RAPGEF5: variants seen among roughly 807,000 people sequenced by gnomAD.
RAPGEF5 encodes Rap guanine nucleotide exchange factor 5.
Under a neutral mutation model 125.2 loss-of-function variants are expected in RAPGEF5, and 65 were observed. That is an observed-to-expected ratio of 0.52 (90% CI 0.43 to 0.64). The LOEUF (loss-of-function observed/expected upper bound fraction) is 0.64, where lower values mean the gene tolerates loss of function less well. Among genes scored for constraint, RAPGEF5 ranks in the 30% least tolerant of loss-of-function variants. The pLI is 0.00. For missense variants in RAPGEF5, 958 were observed against 1,048.1 expected (o/e 0.91, Z 1.19); for synonymous variants, 391 against 385.9 (o/e 1.01, Z -0.16).
At chr7:22,310,469 T>C (rs1174996178) in intron 3 of RAPGEF5, among the ~76,000 whole-genome samples, 1 of 152,238 alleles carries the variant, frequency 6.6e-6, no homozygotes, top group Non-Finnish European at 1.5e-5. Flanking sequence ...TCAAAATATA[T>C]TTGTTTGAAA....
At chr7:22,353,228 G>C (rs1784361572) in intron 1 of RAPGEF5, among the ~76,000 whole-genome samples, 1 of 151,928 alleles carries the variant, frequency 6.6e-6, no homozygotes, top group African/African-American at 2.4e-5. Context: ...TCACTGGCAT[G>C]AAAAAAGGGA....
intron 8 of RAPGEF5, among the ~76,000 whole-genome samples, chr7:22,228,765 G>A (rs1785983841): frequency 6.6e-6 from 1 of 151,160 alleles, no homozygotes. Flanking sequence ...CACCTGCCTT[G>A]GCCTCCCAAA....
chr7:22,212,481 A>G (rs945307587), intron 9 of RAPGEF5, among the ~76,000 whole-genome samples: 12 of 152,240 alleles, frequency 7.9e-5, no homozygotes, highest in Admixed American at 7.8e-4. Flanking sequence ...CTCGCAGAAC[A>G]TCAGTTCATG....
At chr7:22,160,963 G>A (rs181542460) in intron 13 of RAPGEF5, among the ~76,000 whole-genome samples, 17 of 152,050 alleles carry the variant, frequency 1.1e-4, no homozygotes, top group Non-Finnish European at 2.1e-4. Context: ...TTGGGAGGCT[G>A]AGGCAGGCAG....
chr7:22,327,499 C>T (rs898982648), intron 1 of RAPGEF5, among the ~76,000 whole-genome samples: 6 of 152,182 alleles, frequency 3.9e-5, no homozygotes, highest in African/African-American at 1.4e-4. Context: ...TTAATACCTT[C>T]CTTAACGCTC....
At chr7:22,137,040 G>C in intron 21 of RAPGEF5, 57 bp from the exon 22 acceptor site, 1 of 1,298,450 alleles carries the variant, frequency 7.7e-7, no homozygotes, top group South Asian at 1.3e-5. Flanking sequence ...TATTTTCAGA[G>C]GCATCGAAGG....
chr7:22,273,249 G>C (rs1351101594), intron 6 of RAPGEF5, among the ~76,000 whole-genome samples: 10 of 118,622 alleles, frequency 8.4e-5, no homozygotes, highest in African/African-American at 3.0e-4. Context: ...GACAGAGTCT[G>C]GCTCTGTCGC....
intron 11 of RAPGEF5, among the ~76,000 whole-genome samples, chr7:22,189,070 A>AG (rs1227182664): frequency 1.3e-5 from 2 of 149,728 alleles, no homozygotes; most frequent in Non-Finnish European, 3.0e-5. Flanking sequence ...AAAAAAAAAA[A>AG]GCAGCCATAC....
rs1782579624 is a variant in RAPGEF5, at chr7:22,121,408, C to T, written c.*998G>A. Reference sequence around the variant, plus strand: ...CCTAGAGAGTGCTAAGTGCTTCACTCATTAAATGTCACTTAACCTCCCTGC... The same window carrying T: ...CCTAGAGAGTGCTAAGTGCTTCACTTATTAAATGTCACTTAACCTCCCTGC... On this transcript the variant is annotated 3_prime_UTR_variant, in exon 26 of 26. Coordinates refer to ENST00000665637, the MANE Select transcript of RAPGEF5 (RefSeq NM_012294.5). The T allele has an allele frequency of 6.6e-6, 1 of 152,134 alleles. No homozygotes were observed. Among genetic ancestry groups the T allele is most frequent in the African/African-American group, 2.4e-5 (1 of 41,410 alleles). 9.4% of individuals were successfully genotyped at this position (152,134 alleles called of 1,614,324 possible).
chr7:22,260,823 C>G (rs1443755487), intron 7 of RAPGEF5, among the ~76,000 whole-genome samples: 1 of 152,120 alleles, frequency 6.6e-6, no homozygotes, highest in African/African-American at 2.4e-5. Context: ...CAATGCCCCA[C>G]TCTCCCCTGA....
At chr7:22,159,565 T>C (rs1783917948) in intron 14 of RAPGEF5, among the ~76,000 whole-genome samples, 1 of 152,206 alleles carries the variant, frequency 6.6e-6, no homozygotes, top group South Asian at 2.1e-4. Flanking sequence ...AGATAACAAT[T>C]TTCCCTTTTA....
chr7:22,355,478 G>C (rs1784404239), intron 1 of RAPGEF5, among the ~76,000 whole-genome samples: 1 of 152,104 alleles, frequency 6.6e-6, no homozygotes, highest in African/African-American at 2.4e-5. Flanking sequence ...TATAACTCCA[G>C]TTCTTGTTTA....
At chr7:22,223,128 C>T (rs1383820063) in intron 8 of RAPGEF5, among the ~76,000 whole-genome samples, 1 of 151,938 alleles carries the variant, frequency 6.6e-6, no homozygotes, top group Non-Finnish European at 1.5e-5. Flanking sequence ...CTGGTTTTAC[C>T]AATGGAATGG....
intron 6 of RAPGEF5, among the ~76,000 whole-genome samples, chr7:22,274,376 C>A (rs1211065440): frequency 1.3e-5 from 2 of 152,162 alleles, no homozygotes; most frequent in African/African-American, 4.8e-5. Flanking sequence ...GTCACCCAGG[C>A]TGGAGTGCAG....
chr7:22,191,670 A>T (rs1785001752), intron 11 of RAPGEF5: 1 of 470,988 alleles, frequency 2.1e-6, no homozygotes, highest in African/African-American at 2.0e-5. Flanking sequence ...ATAAGTCACT[A>T]GACAGGATGC....
rs535432867 is a variant in RAPGEF5, at chr7:22,168,607, T to A, written c.1205-1459A>T. 9.2e-5 allele frequency among the ~76,000 whole-genome samples: 14 copies of A among 152,268 alleles called. No homozygotes were observed. In the East Asian group the frequency reaches 2.7e-3, roughly 29 times the overall value. The stretch of plus-strand genomic sequence containing the variant: ...ATTGAAGACTGGATGAAAGAAAATC[T>A]CCAGAATTTTTAGGAATAACCAGTA... On this transcript the variant is annotated intron_variant, in intron 11 of 25. Coordinates refer to ENST00000665637, the MANE Select transcript of RAPGEF5 (RefSeq NM_012294.5).
chr7:22,132,772 C>T (rs1460818873), intron 23 of RAPGEF5, among the ~76,000 whole-genome samples: 4 of 152,288 alleles, frequency 2.6e-5, no homozygotes, highest in African/African-American at 7.2e-5. Flanking sequence ...GCAATAATGA[C>T]ATCTTACATT....
intron 17 of RAPGEF5, among the ~76,000 whole-genome samples, chr7:22,153,206 T>C (rs1783686409): frequency 6.6e-6 from 1 of 152,192 alleles, no homozygotes; most frequent in Non-Finnish European, 1.5e-5. Flanking sequence ...TCTGTAGTGG[T>C]ACTACCTTGA....
chr7:22,235,046 C>T (rs1200779024), intron 7 of RAPGEF5, among the ~76,000 whole-genome samples: 1 of 152,114 alleles, frequency 6.6e-6, no homozygotes, highest in Admixed American at 6.5e-5. Flanking sequence ...AATCAACCAA[C>T]CCATTTCTTT....
Sources: gnomAD v4.1 joint callset for allele counts (sites outside exome capture counted in the v4.1 genomes callset) on GRCh38, gnomAD v4.1.1 for gene constraint, MANE v1.5 for transcripts, NCBI Gene and HGNC (gene_info 2026-07-23, HGNC 2026-07-21) for gene names.